ATP6V1C2: variants seen among roughly 807,000 people sequenced by gnomAD.
ATP6V1C2 encodes V-type proton ATPase subunit C 2.
A neutral mutation model predicts 56.8 loss-of-function variants in ATP6V1C2; 45 were observed. The ratio of observed to expected loss-of-function variants is 0.79; its 90% CI spans 0.62 to 1.02. The LOEUF (loss-of-function observed/expected upper bound fraction) is 1.02. Among genes scored for constraint, ATP6V1C2 ranks in the 50% least tolerant of loss-of-function variants. The pLI is 0.00. For synonymous variants in ATP6V1C2, 220 were observed against 201.3 expected (o/e 1.09, Z -0.79); for missense variants, 463 against 519.7 (o/e 0.89, Z 1.06).
chr2:10,777,980 G>A (rs1043706125), intron 11 of ATP6V1C2, among the ~76,000 whole-genome samples: 2 of 146,732 alleles, frequency 1.4e-5, no homozygotes, highest in East Asian at 1.9e-4. Flanking sequence ...GAGCTGGGAC[G>A]GGCAGGGCCC....
rs1665269770 is a variant in ATP6V1C2, at chr2:10,780,340, C to T, written c.1061+1671C>T. Among the ~76,000 whole-genome samples, 1 of 152,210 alleles carries T rather than the reference C, an allele frequency of 6.6e-6. No individual in the cohort carries two copies. The highest frequency in any genetic ancestry group is 6.5e-5 in the Admixed American group (1 of 15,276). On this transcript the variant is annotated intron_variant, in intron 12 of 13. Transcript: ENST00000272238. This position sits in a 1 kb window ranked among gnomAD's most constrained non-coding sequence, Gnocchi z 4.1. ...ACTCTCTCTTTCACGGGTCTGGCCC[C>T]ACCGGCCTGGCTGTTGCCATAAGCC...
At chr2:10,750,283 G>A (rs1025841153) in intron 3 of ATP6V1C2, among the ~76,000 whole-genome samples, 3 of 152,260 alleles carry the variant, frequency 2.0e-5, no homozygotes, top group Non-Finnish European at 2.9e-5. Flanking sequence ...TTGGGAGGCC[G>A]AGGCAGGTGG....
chr2:10,761,768 G>A (rs184642868), intron 4 of ATP6V1C2, among the ~76,000 whole-genome samples: 1 of 152,284 alleles, frequency 6.6e-6, no homozygotes, highest in African/African-American at 2.4e-5. Context: ...ATATGGCCTC[G>A]AATCCTATTG....
chr2:10,737,650 G>A (rs550079707), intron 3 of ATP6V1C2, among the ~76,000 whole-genome samples: 128 of 152,188 alleles, frequency 8.4e-4, no homozygotes, highest in African/African-American at 2.7e-3. Flanking sequence ...TACTTTAGGC[G>A]CTTTGCTGCC....
Position 10,772,462 on chromosome 2 carries a change from G to C in ATP6V1C2, c.570-80G>C, listed in dbSNP as rs74885758. 1.7e-4 allele frequency: 207 copies of C among 1,195,758 alleles called. 1 individual carries two copies. In the East Asian group the frequency reaches 4.1e-3, roughly 24 times the overall value. The allele number at this position is 1,195,758 out of a possible 1,614,324, so 74.1% of individuals were successfully genotyped here. Reference sequence around the variant, plus strand: ...TCACCTTCAGGCCTTCAGGAAAAGGGGTGTGCAGCTTCCTAGGCACTCAGG... The same window carrying C: ...TCACCTTCAGGCCTTCAGGAAAAGGCGTGTGCAGCTTCCTAGGCACTCAGG... On this transcript the variant is annotated intron_variant, in intron 7 of 13. Coordinates refer to ENST00000272238, the MANE Select transcript of ATP6V1C2 (RefSeq NM_001039362.2).
chr2:10,761,776 T>C (rs1663921804), intron 4 of ATP6V1C2, among the ~76,000 whole-genome samples: 2 of 152,210 alleles, frequency 1.3e-5, no homozygotes, highest in African/African-American at 4.8e-5. Flanking sequence ...TCGAATCCTA[T>C]TGGATCAGGG....
intron 4 of ATP6V1C2, among the ~76,000 whole-genome samples, chr2:10,759,727 C>T (rs1198860): frequency 0.46 from 69,858 of 151,732 alleles, 17,156 homozygotes; most frequent in African/African-American, 0.64. Context: ...GCCTGTAATC[C>T]CAGCACTTTG....
At position 10,766,582 on chromosome 2, in the gene ATP6V1C2, C is replaced by T. The variant is rs185771273; in HGVS notation, c.379-2137C>T. 3.1e-3 allele frequency among the ~76,000 whole-genome samples: 464 copies of T among 151,622 alleles called. 2 individuals are homozygous for T. Among genetic ancestry groups the T allele is most frequent in the African/African-American group, 9.8e-3 (402 of 41,190 alleles). On this transcript the variant is annotated intron_variant, in intron 5 of 13. Transcript: ENST00000272238. ...AATAAAGACAAGCAGTATTTTTTTT[C>T]GTTTTTTTGTTTTTCAAAAAATATA...
intron 10 of ATP6V1C2, 32 bp from the exon 11 acceptor site, chr2:10,777,553 G>T (rs759411003): frequency 6.3e-7 from 1 of 1,599,584 alleles, no homozygotes; most frequent in Non-Finnish European, 8.5e-7. Context: ...CATGTTTGCT[G>T]AAAGATTAAT....
chr2:10,758,924 C>G (rs752106753), intron 4 of ATP6V1C2, among the ~76,000 whole-genome samples: 50 of 152,204 alleles, frequency 3.3e-4, no homozygotes, highest in Non-Finnish European at 5.9e-4. Flanking sequence ...GTCTCAGTCT[C>G]CCAAAGTGCT....
intron 3 of ATP6V1C2, among the ~76,000 whole-genome samples, chr2:10,742,956 CA>C (rs1385008790): frequency 2.6e-5 from 4 of 152,218 alleles, no homozygotes; most frequent in Non-Finnish European, 4.4e-5. Flanking sequence ...TGCCCTGCCT[CA>C]CACCTGGGCA....
intron 3 of ATP6V1C2, among the ~76,000 whole-genome samples, chr2:10,749,847 G>C (rs558043952): frequency 9.9e-5 from 15 of 152,276 alleles, no homozygotes; most frequent in South Asian, 6.2e-4. Context: ...CCATATCAAA[G>C]TGACAATAAC....
At chr2:10,737,812 G>T (rs1473550810) in intron 3 of ATP6V1C2, among the ~76,000 whole-genome samples, 1 of 152,122 alleles carries the variant, frequency 6.6e-6, no homozygotes, top group Non-Finnish European at 1.5e-5. Flanking sequence ...TCCTGCCTCA[G>T]CCTCCTGAGT....
chr2:10,725,693 C>T (rs1661602399), intron 2 of ATP6V1C2, among the ~76,000 whole-genome samples: 1 of 150,734 alleles, frequency 6.6e-6, no homozygotes, highest in African/African-American at 2.4e-5. Context: ...CAGGGTTTTG[C>T]CATATTGGCC....
At chr2:10,733,253 G>T (rs915633158) in intron 3 of ATP6V1C2, among the ~76,000 whole-genome samples, 2 of 152,134 alleles carry the variant, frequency 1.3e-5, no homozygotes, top group Non-Finnish European at 2.9e-5. Context: ...GTTGGGAGTT[G>T]GTAGAGGTTG....
rs1312209070 is a variant in ATP6V1C2 at position 10,764,423 on chromosome 2, A to C, written c.376A>C (p.Lys126Gln). ...CGTGAGTGTGGTGGACACAATAGCC[A>C]AGGTGAGAAAAGGGACTGCTCTGGG... ...PLVSVVDTIA[K>Q]QLAQIEMDLK... is the part of the protein sequence containing the mutation. The change falls in exon 5 of 14, where the codon AAG (lysine) becomes CAG (glutamine). Residue 126 changes from lysine (K) to glutamine (Q), a missense_variant and splice_region_variant. Transcript: ENST00000272238. 1 of 1,613,450 alleles carries C rather than the reference A, an allele frequency of 6.2e-7. No homozygotes were observed. Among genetic ancestry groups the C allele is most frequent in the South Asian group, 1.1e-5 (1 of 91,072 alleles).
In ATP6V1C2 at chr2:10,784,924, G is replaced by A. The variant is rs770977562; in HGVS notation, c.*1661G>A. The stretch of plus-strand genomic sequence containing the variant: ...CTGCTGCCCGCACAGCTTCCCTCCC[G>A]GGCACTCACCTCGCCATCCCTGCCG... On this transcript the variant is annotated 3_prime_UTR_variant, in exon 14 of 14. Transcript: ENST00000272238. 2.1e-5 allele frequency: 33 copies of A among 1,560,418 alleles called. No individual in the cohort carries two copies. Among genetic ancestry groups the A allele is most frequent in the South Asian group, 3.5e-5 (3 of 85,578 alleles).
chr2:10,751,804 AAAG>A (rs769890113), intron 3 of ATP6V1C2, among the ~76,000 whole-genome samples: 14 of 152,168 alleles, frequency 9.2e-5, no homozygotes, highest in Non-Finnish European at 1.9e-4. Flanking sequence ...GGTGATATCA[AAAG>A]AAGACCTTAA....
At chr2:10,772,686 C>A in intron 8 of ATP6V1C2, 76 bp downstream of exon 8, 1 of 1,316,686 alleles carries the variant, frequency 7.6e-7, no homozygotes, top group Non-Finnish European at 1.1e-6. Context: ...AACCACCAAA[C>A]ATGCCCCGAG....
Sources: allele counts gnomAD v4.1 joint callset (sites outside exome capture counted in the v4.1 genomes callset), GRCh38; gene constraint gnomAD v4.1.1; non-coding constraint Gnocchi (gnomAD v3.1); transcripts MANE v1.5; gene names NCBI Gene and HGNC (gene_info 2026-07-23, HGNC 2026-07-21).